Variants in NXPH1 observed in about 807,000 individuals in gnomAD.
NXPH1 encodes the protein neurexophilin-1.
Under a neutral mutation model 23.7 loss-of-function variants are expected in NXPH1, and 5 were observed. That is an observed-to-expected ratio of 0.21 (90% CI 0.11 to 0.44). NXPH1 has a LOEUF of 0.44. Ranked by LOEUF, NXPH1 falls within the 20% of genes least tolerant of loss-of-function variation. The pLI is 0.99. For missense variants in NXPH1, 324 were observed against 321.6 expected (o/e 1.01, Z -0.06); for synonymous variants, 144 against 122.2 (o/e 1.18, Z -1.18).
At chr7:8,708,405 G>A (rs1048719851) in intron 2 of NXPH1, among the ~76,000 whole-genome samples, 1 of 151,898 alleles carries the variant, frequency 6.6e-6, no homozygotes, top group Non-Finnish European at 1.5e-5. Flanking sequence ...TTGTTGCTCA[G>A]GCTACAGTAC....
intron 2 of NXPH1, among the ~76,000 whole-genome samples, chr7:8,488,500 C>T (rs1817198262): frequency 6.6e-6 from 1 of 152,092 alleles, no homozygotes; most frequent in Non-Finnish European, 1.5e-5. Flanking sequence ...GAAACCCAGG[C>T]CTCATCTCCC....
intron 2 of NXPH1, among the ~76,000 whole-genome samples, chr7:8,528,178 G>C (rs1406368865): frequency 1.3e-5 from 2 of 152,208 alleles, no homozygotes; most frequent in Admixed American, 6.5e-5. Context: ...GGGAGCAAAG[G>C]CTTATCTTGC....
intron 2 of NXPH1, among the ~76,000 whole-genome samples, chr7:8,697,263 A>G (rs1200012570): frequency 1.3e-5 from 2 of 152,080 alleles, no homozygotes; most frequent in Non-Finnish European, 2.9e-5. Flanking sequence ...TCTCAGTGTG[A>G]AAGATGCCAG....
intron 2 of NXPH1, among the ~76,000 whole-genome samples, chr7:8,602,381 C>T (rs544831619): frequency 2.0e-4 from 31 of 152,188 alleles, no homozygotes; most frequent in African/African-American, 6.0e-4. Context: ...TTTTAAGACT[C>T]CTCATGGTCT....
intron 2 of NXPH1, among the ~76,000 whole-genome samples, chr7:8,666,343 A>G (rs1417950206): frequency 3.9e-5 from 6 of 152,042 alleles, no homozygotes; most frequent in Non-Finnish European, 8.8e-5. Flanking sequence ...GTGTATCACA[A>G]TTATAGACTT....
intron 2 of NXPH1, among the ~76,000 whole-genome samples, chr7:8,625,384 A>T (rs898806924): frequency 5.9e-5 from 9 of 152,110 alleles, no homozygotes; most frequent in South Asian, 2.1e-4. Context: ...CTGAAACTTT[A>T]CTCCATTATA....
Position 8,751,485 on chromosome 7 carries a change from T to G in NXPH1, c.532T>G (p.Leu178Val). ...VPPTKIVEFD[L>V]AQQTVIDAKD... ...CCCTACAAAAATCGTGGAATTTGAC[T>G]TGGCACAACAAACCGTGATTGATGC... The change falls in exon 3 of 3, where the codon TTG (leucine) becomes GTG (valine). Residue 178 changes from leucine (L) to valine (V), a missense_variant. By Grantham distance (32) the Leu-to-Val change is conservative (BLOSUM62 1). Transcript: ENST00000405863. This position sits in a 1 kb window ranked among gnomAD's most constrained non-coding sequence, Gnocchi z 4.5. 6.2e-7 allele frequency: 1 copy of G among 1,613,816 alleles called. No individual in the cohort carries two copies. Among genetic ancestry groups the G allele is most frequent in the Non-Finnish European group, 8.5e-7 (1 of 1,179,846 alleles).
At chr7:8,682,248 G>A (rs1253932483) in intron 2 of NXPH1, among the ~76,000 whole-genome samples, 3 of 152,188 alleles carry the variant, frequency 2.0e-5, no homozygotes, top group Admixed American at 2.0e-4. Context: ...CTTAGAAATA[G>A]TAATTCTCAA....
At chr7:8,570,121 T>C in intron 2 of NXPH1, among the ~76,000 whole-genome samples, 1 of 152,016 alleles carries the variant, frequency 6.6e-6, no homozygotes, top group Non-Finnish European at 1.5e-5. Flanking sequence ...CCACAGGATT[T>C]TATGACAAAA....
At chr7:8,635,226 A>C (rs971212746) in intron 2 of NXPH1, among the ~76,000 whole-genome samples, 3 of 152,170 alleles carry the variant, frequency 2.0e-5, no homozygotes. Flanking sequence ...TAATTCTTCA[A>C]AGGTTATGAG....
At chr7:8,523,765 G>C (rs940341343) in intron 2 of NXPH1, among the ~76,000 whole-genome samples, 2 of 152,106 alleles carry the variant, frequency 1.3e-5, no homozygotes, top group African/African-American at 4.8e-5. Flanking sequence ...TCTCTTTCTG[G>C]ATCCAGTTTT....
At chr7:8,439,191 G>A (rs952764106) in intron 2 of NXPH1, among the ~76,000 whole-genome samples, 1 of 152,154 alleles carries the variant, frequency 6.6e-6, no homozygotes, top group African/African-American at 2.4e-5. Flanking sequence ...TTTTCAGTAT[G>A]ATACAATGGG....
Position 8,434,742 on chromosome 7 carries a change from C to G in NXPH1, c.-124C>G, listed in dbSNP as rs531681315. 6.6e-6 allele frequency: 1 copy of G among 152,666 alleles called. No individual in the cohort carries two copies. Among genetic ancestry groups the G allele is most frequent in the African/African-American group, 2.4e-5 (1 of 41,418 alleles). 9.5% of individuals were successfully genotyped at this position (152,666 alleles called of 1,614,324 possible). A position where few individuals can be genotyped will look rare whatever the true frequency, so the allele number is the denominator to read the frequency against. On this transcript the variant is annotated 5_prime_UTR_variant, in exon 1 of 3. Coordinates refer to ENST00000405863, the MANE Select transcript of NXPH1 (RefSeq NM_152745.3). The surrounding 1 kb of genome is among the most constrained non-coding windows in gnomAD (Gnocchi z 7.6). ...GCGGTCCCTTCTCGCAGGATTCGCC[C>G]CAAGTCCTGTGCGGTACGTACCCTT...
intron 2 of NXPH1, among the ~76,000 whole-genome samples, chr7:8,559,140 TA>T (rs1320479546): frequency 6.6e-6 from 1 of 151,572 alleles, no homozygotes; most frequent in Non-Finnish European, 1.5e-5. Context: ...AAAAATTTTT[TA>T]GAGACAAGGT....
chr7:8,696,758 G>A (rs944497556), intron 2 of NXPH1, among the ~76,000 whole-genome samples: 5 of 148,880 alleles, frequency 3.4e-5, no homozygotes, highest in South Asian at 2.1e-4. Flanking sequence ...GGAGAATGGC[G>A]TGAACCCGTG....
At chr7:8,610,667 G>A (rs899847759) in intron 2 of NXPH1, among the ~76,000 whole-genome samples, 1 of 151,724 alleles carries the variant, frequency 6.6e-6, no homozygotes, top group African/African-American at 2.4e-5. Flanking sequence ...GATTACAACT[G>A]GTTTCTATTT....
chr7:8,522,014 A>G lies in NXPH1; in HGVS notation c.54+86247A>G, dbSNP rs539971791. Among the ~76,000 whole-genome samples, 44 of 152,336 alleles carry G rather than the reference A, an allele frequency of 2.9e-4. 2 individuals carry two copies. In the South Asian group the frequency reaches 8.5e-3, roughly 29 times the overall value. ...ACACTGCTACCTTGGAAAAGGGAAG[A>G]AAAAAGAAAGATAAACTTTGTTTTA... is the stretch of plus-strand genomic sequence containing the variant. On this transcript the variant is annotated intron_variant, in intron 2 of 2. Coordinates refer to ENST00000405863, the MANE Select transcript of NXPH1 (RefSeq NM_152745.3).
chr7:8,693,325 G>C (rs939006689), intron 2 of NXPH1, among the ~76,000 whole-genome samples: 1 of 152,178 alleles, frequency 6.6e-6, no homozygotes, highest in African/African-American at 2.4e-5. Flanking sequence ...CTGTGCGTAA[G>C]AGAGGGATGC....
intron 2 of NXPH1, among the ~76,000 whole-genome samples, chr7:8,590,134 G>T (rs568855274): frequency 8.3e-4 from 127 of 152,186 alleles, no homozygotes; most frequent in African/African-American, 2.9e-3. Context: ...ATTGGAGGTT[G>T]ACTATGTTGG....
Sources: gnomAD v4.1 joint callset for allele counts (sites outside exome capture counted in the v4.1 genomes callset) on GRCh38, gnomAD v4.1.1 for gene constraint, Gnocchi (gnomAD v3.1) non-coding constraint, MANE v1.5 for transcripts, NCBI Gene and HGNC (gene_info 2026-07-23, HGNC 2026-07-21) for gene names.